Variants in PRKCQ observed in about 807,000 individuals in gnomAD.
PRKCQ encodes the protein protein kinase C theta, also known as protein kinase C theta type.
In PRKCQ, 41 loss-of-function variants were observed where a neutral mutation model predicts 91.2. The ratio of observed to expected loss-of-function variants is 0.45; its 90% confidence interval spans 0.35 to 0.58. The LOEUF (loss-of-function observed/expected upper bound fraction) is 0.58, where lower values mean the gene tolerates loss of function less well. Ranked by LOEUF, PRKCQ falls within the 20% of genes least tolerant of loss-of-function variation. The probability of loss-of-function intolerance (pLI) is 0.00; values close to 1 mark genes in which losing one functional copy is unlikely to be tolerated. For missense variants in PRKCQ, 673 were observed against 896.5 expected (o/e 0.75, Z 3.18); for synonymous variants, 307 against 316.9 (o/e 0.97, Z 0.33).
chr10:6,481,080 T>C (rs980867015), intron 11 of PRKCQ, among the ~76,000 whole-genome samples: 7 of 152,200 alleles, frequency 4.6e-5, no homozygotes, highest in African/African-American at 1.7e-4. Flanking sequence ...CTGTCTTGCT[T>C]TGATATCTCC....
intron 16 of PRKCQ, among the ~76,000 whole-genome samples, chr10:6,434,531 G>A (rs1240630737): frequency 6.6e-6 from 1 of 152,222 alleles, no homozygotes; most frequent in Non-Finnish European, 1.5e-5. Flanking sequence ...AGGATGACAG[G>A]TGACCTCATG....
chr10:6,574,956 C>T (rs1422329077), intron 1 of PRKCQ, among the ~76,000 whole-genome samples: 2 of 53,020 alleles, frequency 3.8e-5, no homozygotes, highest in Non-Finnish European at 6.6e-5. Context: ...CAAGTGTGTC[C>T]CCTACTGAAA....
the PRKCQ span, among the ~76,000 whole-genome samples, chr10:6,403,498 C>G: frequency 6.6e-6 from 1 of 152,174 alleles, no homozygotes; most frequent in Non-Finnish European, 1.5e-5. Flanking sequence ...GTCCCTGAAC[C>G]GTGAGTTCCC....
rs1836988460 is a variant in PRKCQ at position 6,487,403 on chromosome 10, G to A, written c.791-1259C>T. ...AGCACCTGTCAGGTGGGTGGAGAAC[G>A]GGGTGCTGGTGGCAGCTTGCACAGC... On this transcript the variant is annotated intron_variant, in intron 8 of 17. Transcript: ENST00000263125. Among the ~76,000 whole-genome samples the A allele has an allele frequency of 3.3e-5, 5 of 152,178 alleles. No individual in the cohort carries two copies. In the South Asian group the frequency reaches 8.3e-4, roughly 25 times the overall value.
In PRKCQ at chr10:6,467,371, GAGAC is replaced by G. The variant is rs1418949022; in HGVS notation, c.1354-2971_1354-2968del. On this transcript the variant is annotated intron_variant, in intron 12 of 17. Coordinates refer to ENST00000263125, the MANE Select transcript of PRKCQ (RefSeq NM_006257.5). ...AGAGAGAGAGACAGAGAGAGAGAGA[GAGAC>G]AGAGAGAGACAGACAGAGAGAGAGA... 7.4e-4 allele frequency among the ~76,000 whole-genome samples: 80 copies of G among 107,452 alleles called. 2 individuals are homozygous for G. Among genetic ancestry groups the G allele is most frequent in the Non-Finnish European group, 1.1e-3 (52 of 48,822 alleles). 70.5% of individuals were successfully genotyped at this position (107,452 alleles called of 152,430 possible).
chr10:6,513,108 A>C (rs923741158), intron 2 of PRKCQ, among the ~76,000 whole-genome samples: 1 of 152,112 alleles, frequency 6.6e-6, no homozygotes, highest in African/African-American at 2.4e-5. Flanking sequence ...AATCACCTAA[A>C]CAGAGGGCCC....
At chr10:6,573,913 T>A (rs1564401436) in intron 1 of PRKCQ, among the ~76,000 whole-genome samples, 1 of 152,162 alleles carries the variant, frequency 6.6e-6, no homozygotes, top group African/African-American at 2.4e-5. Flanking sequence ...GCCCAGGAGT[T>A]AGAGACTAGC....
At chr10:6,426,259 A>G (rs1833119322), downstream of PRKCQ, among the ~76,000 whole-genome samples, 1 of 152,206 alleles carries the variant, frequency 6.6e-6, no homozygotes, top group Non-Finnish European at 1.5e-5. Context: ...GACTTTAGAC[A>G]GCATCTTCAC....
chr10:6,522,238 G>A (rs933413638), intron 1 of PRKCQ, among the ~76,000 whole-genome samples: 10 of 152,228 alleles, frequency 6.6e-5, no homozygotes, highest in African/African-American at 2.2e-4. Flanking sequence ...CATCGCGCCC[G>A]GCCCCTATGT....
intron 11 of PRKCQ, among the ~76,000 whole-genome samples, chr10:6,479,962 A>T (rs986442501): frequency 6.6e-6 from 1 of 151,978 alleles, no homozygotes; most frequent in South Asian, 2.1e-4. Context: ...AAAATAAAAA[A>T]AAATAAATAA....
At chr10:6,412,671 T>C in the PRKCQ span, among the ~76,000 whole-genome samples, 4 of 152,226 alleles carry the variant, frequency 2.6e-5, no homozygotes, top group Admixed American at 1.3e-4. Flanking sequence ...AAAACAGCAT[T>C]GAGTCACTTG....
intron 14 of PRKCQ, among the ~76,000 whole-genome samples, chr10:6,459,549 G>A (rs181789290): frequency 3.9e-5 from 6 of 152,270 alleles, no homozygotes; most frequent in Non-Finnish European, 5.9e-5. Context: ...TTGGAAAAAG[G>A]GTCTTTTTTT....
intron 15 of PRKCQ, among the ~76,000 whole-genome samples, chr10:6,452,625 A>G (rs1834758449): frequency 6.7e-6 from 1 of 149,422 alleles, no homozygotes; most frequent in Non-Finnish European, 1.5e-5. Flanking sequence ...GTCAATCCTA[A>G]GCCAAAAGAA....
At chr10:6,437,411 A>G (rs1638573396) in intron 16 of PRKCQ, among the ~76,000 whole-genome samples, 1 of 152,190 alleles carries the variant, frequency 6.6e-6, no homozygotes, top group African/African-American at 2.4e-5. Flanking sequence ...AGGAACTGAC[A>G]CTGCTGGACC....
intron 15 of PRKCQ, among the ~76,000 whole-genome samples, chr10:6,451,155 A>T (rs1834651607): frequency 6.6e-6 from 1 of 150,566 alleles, no homozygotes. Flanking sequence ...TTTTGAAAGG[A>T]TCAACAAAAT....
intron 1 of PRKCQ, among the ~76,000 whole-genome samples, chr10:6,520,781 G>T (rs758596852): frequency 6.6e-6 from 1 of 152,226 alleles, no homozygotes. Context: ...TCTACAGTCC[G>T]AGTGGGGTTG....
intron 4 of PRKCQ, among the ~76,000 whole-genome samples, chr10:6,504,300 G>T (rs955367396): frequency 2.6e-5 from 4 of 152,162 alleles, no homozygotes; most frequent in African/African-American, 9.7e-5. Flanking sequence ...TTGAGTAAGA[G>T]AAAGTATATT....
intron 15 of PRKCQ, among the ~76,000 whole-genome samples, chr10:6,451,102 C>T (rs4609501): frequency 0.024 from 3,691 of 150,698 alleles, 71 homozygotes; most frequent in Middle Eastern, 0.041. Context: ...GAAATAGAGA[C>T]ACAAAAAACC....
Position 6,444,910 on chromosome 10 carries a change from G to C in PRKCQ, c.1648-2829C>G, listed in dbSNP as rs529692216. On this transcript the variant is annotated intron_variant, in intron 15 of 17. Coordinates refer to ENST00000263125, the MANE Select transcript of PRKCQ (RefSeq NM_006257.5). The stretch of plus-strand genomic sequence containing the variant: ...AGGCTGAGGCGGGTGGATCACCCGA[G>C]GTCAGGAGTTTGAGACCAGCCTGGC... Among the ~76,000 whole-genome samples, 16 of 152,050 alleles carry C rather than the reference G, an allele frequency of 1.1e-4. No individual in the cohort carries two copies. The East Asian group carries it at 2.9e-3, about 28-fold the overall frequency.
Sources: allele counts gnomAD v4.1 joint callset (sites outside exome capture counted in the v4.1 genomes callset), GRCh38; gene constraint gnomAD v4.1.1; transcripts MANE v1.5; gene names NCBI Gene and HGNC (gene_info 2026-07-23, HGNC 2026-07-21).